Variants in CCNH observed in about 807,000 individuals in gnomAD.
CCNH encodes the protein cyclin-H.
A neutral mutation model predicts 41.9 loss-of-function variants in CCNH; 31 were observed. The observed-to-expected ratio is 0.74, with a 90% CI of 0.56 to 1.00. The LOEUF (loss-of-function observed/expected upper bound fraction) is 1.00. CCNH is among the 50% of genes least tolerant of loss of function. The pLI is 0.00. For missense variants in CCNH, 362 were observed against 388.4 expected (o/e 0.93, Z 0.57); for synonymous variants, 138 against 136.1 (o/e 1.01, Z -0.10).
chr5:87,356,705 T>G (rs1759679050), intron 9 of CCNH, among the ~76,000 whole-genome samples: 1 of 152,192 alleles, frequency 6.6e-6, no homozygotes, highest in South Asian at 2.1e-4. Context: ...ATTTTTAAAT[T>G]AACACGTGTA....
chr5:87,317,448 A>C (rs1375529255), downstream of CCNH, among the ~76,000 whole-genome samples: 1 of 151,976 alleles, frequency 6.6e-6, no homozygotes, highest in Non-Finnish European at 1.5e-5. Context: ...AGATATCTGA[A>C]AGCTTTTTCC....
chr5:87,341,425 A>G (rs971534690), intron 9 of CCNH: 7 of 657,298 alleles, frequency 1.1e-5, no homozygotes, highest in African/African-American at 9.5e-5. Context: ...TTTTGGACTG[A>G]CTTAACTTTT....
intron 9 of CCNH, among the ~76,000 whole-genome samples, chr5:87,368,488 A>G (rs1760690377): frequency 6.6e-6 from 1 of 152,176 alleles, no homozygotes; most frequent in Non-Finnish European, 1.5e-5. Flanking sequence ...TAGTTTGACT[A>G]AGTGGTAGAC....
At chr5:87,360,872 T>G (rs1355825666) in intron 9 of CCNH, among the ~76,000 whole-genome samples, 2 of 152,234 alleles carry the variant, frequency 1.3e-5, no homozygotes, top group East Asian at 3.8e-4. Flanking sequence ...AACATCTTCC[T>G]GGATCAGTTT....
chr5:87,333,217 T>C (rs773697160), intron 9 of CCNH: 10 of 1,601,004 alleles, frequency 6.2e-6, no homozygotes, highest in Non-Finnish European at 8.5e-6. Flanking sequence ...CTTTTGACTT[T>C]AAGATAAAAA....
chr5:87,347,097 A>T (rs1337035487), intron 9 of CCNH, among the ~76,000 whole-genome samples: 2 of 151,934 alleles, frequency 1.3e-5, no homozygotes, highest in Non-Finnish European at 2.9e-5. Context: ...TTGGGAGATG[A>T]TTCTGTATCT....
intron 9 of CCNH, among the ~76,000 whole-genome samples, chr5:87,348,033 T>C (rs1300082716): frequency 1.3e-5 from 2 of 152,026 alleles, no homozygotes; most frequent in Non-Finnish European, 2.9e-5. Flanking sequence ...AGCACTTGCA[T>C]GCACAGTCTT....
At chr5:87,338,536 A>ATATATATATATATATATATATATATT in intron 9 of CCNH, among the ~76,000 whole-genome samples, 5 of 85,220 alleles carry the variant, frequency 5.9e-5, no homozygotes, top group East Asian at 4.9e-4. Context: ...TATATATAAA[A>ATATATATATATATATATATATATATT]TTTTTTTTTT....
At chr5:87,346,754 G>T (rs753997135) in intron 9 of CCNH, 2 of 1,463,186 alleles carry the variant, frequency 1.4e-6, no homozygotes, top group Non-Finnish European at 1.9e-6. Flanking sequence ...CTTTTCTAAT[G>T]TCTATTTAAA....
chr5:87,321,712 G>A (rs771554006), intron 9 of CCNH, among the ~76,000 whole-genome samples: 2 of 152,268 alleles, frequency 1.3e-5, no homozygotes, highest in Non-Finnish European at 2.9e-5. Context: ...CTCCCAGCAA[G>A]TGGATGAGTT....
intron 9 of CCNH, among the ~76,000 whole-genome samples, chr5:87,345,135 C>A (rs1352838976): frequency 6.6e-6 from 1 of 152,066 alleles, no homozygotes; most frequent in African/African-American, 2.4e-5. Context: ...CCAGTTCCCA[C>A]GCCTGGCCTA....
Position 87,362,113 on chromosome 5 carries a change from C to T in CCNH, c.*90+30657G>A, listed in dbSNP as rs73156388. Among the ~76,000 whole-genome samples, 190 of 152,276 alleles carry T rather than the reference C, an allele frequency of 1.2e-3. 1 individual carries two copies. The highest frequency in any genetic ancestry group is 4.3e-3 in the African/African-American group (179 of 41,552). ...TTCTCATGTCTTAGTTCACCTGGTA[C>T]GGTTGTCTGTATTCACCTAGCATTT... On this transcript the variant is annotated intron_variant and NMD_transcript_variant, in intron 9 of 9. Transcript: ENST00000645953.
At position 87,408,046 on chromosome 5, in the gene CCNH, T is replaced by C. The variant is rs1449930690; in HGVS notation, c.455A>G (p.Gln152Arg). Residue 152 changes from glutamine (Q) to arginine (R), a missense_variant, in exon 4 of 9, where the codon CAG becomes CGG. Coordinates refer to ENST00000256897, the MANE Select transcript of CCNH (RefSeq NM_001239.4). ...GACAATAAGGTGGAAATTAAGTTGC[T>C]GTATAAGAAGTAGTTCATATTCCAG... Reference protein sequence around the residue: ...QILEYELLLIQQLNFHLIVHN... With the variant: ...QILEYELLLIRQLNFHLIVHN... The C allele has an allele frequency of 6.2e-7, 1 of 1,613,834 alleles. No homozygotes were observed. The highest frequency in any genetic ancestry group is 1.7e-5 in the Admixed American group (1 of 60,026).
intron 9 of CCNH, among the ~76,000 whole-genome samples, chr5:87,327,419 T>G (rs564121853): frequency 6.6e-6 from 1 of 152,324 alleles, no homozygotes; most frequent in Admixed American, 6.5e-5. Context: ...AGAAATTAAT[T>G]TCCCTAATTT....
rs543318632 is a variant in CCNH at position 87,325,171 on chromosome 5, G to C, written c.*91-6274C>G. The stretch of plus-strand genomic sequence containing the variant: ...CATCAAGGAGAAGTACTGAGCAAAA[G>C]GGGGAAAAGCCCCTTATAAAACCAT... On this transcript the variant is annotated intron_variant and NMD_transcript_variant, in intron 9 of 9. Coordinates refer to the CCNH transcript ENST00000645953. Among the ~76,000 whole-genome samples the C allele has an allele frequency of 8.5e-4, 129 of 152,176 alleles. 1 individual carries two copies. The highest frequency in any genetic ancestry group is 1.4e-3 in the Admixed American group (21 of 15,280).
At chr5:87,338,721 A>G (rs1360448157) in intron 9 of CCNH, among the ~76,000 whole-genome samples, 1 of 150,486 alleles carries the variant, frequency 6.6e-6, no homozygotes, top group Non-Finnish European at 1.5e-5. Context: ...TCTTCCTCAT[A>G]AGTGAAGTTA....
intron 9 of CCNH, among the ~76,000 whole-genome samples, chr5:87,351,452 T>C (rs529770234): frequency 2.8e-4 from 43 of 151,852 alleles, no homozygotes; most frequent in African/African-American, 1.0e-3. Context: ...TGGCTAGACC[T>C]TGAGGAGACA....
In CCNH at chr5:87,399,384, A is replaced by G. The variant is rs767261932; in HGVS notation, c.872+10T>C. On this transcript the variant is annotated intron_variant, in intron 7 of 8. Coordinates refer to ENST00000256897, the MANE Select transcript of CCNH (RefSeq NM_001239.4). ...TATGTCTATTGATTAACACTGTCACATTAACTTACGTGATTACGTTAAGTG... is the reference window on the plus strand; with the variant it reads ...TATGTCTATTGATTAACACTGTCACGTTAACTTACGTGATTACGTTAAGTG... 1.3e-5 allele frequency: 20 copies of G among 1,588,402 alleles called. No homozygotes were observed. In the Admixed American group the frequency reaches 3.2e-4, roughly 25 times the overall value.
intron 7 of CCNH, among the ~76,000 whole-genome samples, chr5:87,396,921 TTC>T (rs1030995651): frequency 4.5e-4 from 68 of 152,328 alleles, no homozygotes; most frequent in African/African-American, 1.6e-3. Context: ...GCTAAGTAAC[TTC>T]TGAGGTCATG....
Sources: allele counts gnomAD v4.1 joint callset (sites outside exome capture counted in the v4.1 genomes callset), GRCh38; gene constraint gnomAD v4.1.1; transcripts MANE v1.5; gene names NCBI Gene and HGNC (gene_info 2026-07-23, HGNC 2026-07-21).